Variants in EGFR observed in about 807,000 individuals in gnomAD.
EGFR encodes epidermal growth factor receptor, also known as avian erythroblastic leukemia viral (v-erb-b) oncogene homolog.
A neutral mutation model predicts 143.0 loss-of-function variants in EGFR; 58 were observed. That is an observed-to-expected ratio of 0.41 (90% CI 0.33 to 0.50). The LOEUF (loss-of-function observed/expected upper bound fraction) is 0.50. Ranked by LOEUF, EGFR falls within the 20% of genes least tolerant of loss-of-function variation. The pLI is 0.39. For synonymous variants in EGFR, 613 were observed against 594.4 expected (o/e 1.03, Z -0.45); for missense variants, 1,307 against 1,579.0 (o/e 0.83, Z 2.92).
chr7:55,064,278 G>C (rs1789370889), intron 1 of EGFR, among the ~76,000 whole-genome samples: 1 of 152,236 alleles, frequency 6.6e-6, no homozygotes, highest in South Asian at 2.1e-4. Context: ...ATTGTGTCGT[G>C]TTCTTCCCCA....
intron 1 of EGFR, among the ~76,000 whole-genome samples, chr7:55,136,285 C>G (rs17336282): frequency 1.3e-5 from 2 of 152,026 alleles, no homozygotes; most frequent in African/African-American, 2.4e-5. Context: ...AAAAAATCCT[C>G]CTCTGGCCTT....
chr7:55,068,360 C>T (rs1450050423), intron 1 of EGFR, among the ~76,000 whole-genome samples: 1 of 152,088 alleles, frequency 6.6e-6, no homozygotes, highest in Non-Finnish European at 1.5e-5. Flanking sequence ...CAGTGGCAGC[C>T]CCACACTCCT....
Position 55,211,358 on chromosome 7 carries a change from C to T in EGFR, c.*5741C>T, listed in dbSNP as rs1000846371. 2 of 152,144 alleles carry T rather than the reference C, an allele frequency of 1.3e-5. No individual in the cohort carries two copies. Among genetic ancestry groups the T allele is most frequent in the East Asian group, 1.9e-4 (1 of 5,206 alleles). 9.4% of individuals were successfully genotyped at this position (152,144 alleles called of 1,614,324 possible). On this transcript the variant is annotated 3_prime_UTR_variant, in exon 28 of 28. Coordinates refer to ENST00000275493, the MANE Select transcript of EGFR (RefSeq NM_005228.5). ...CTGGTATTAGAGGTGACAATGTAACCGATTAACAACAGACAGCAATAACTT... is the reference window on the plus strand; with the variant it reads ...CTGGTATTAGAGGTGACAATGTAACTGATTAACAACAGACAGCAATAACTT...
intron 19 of EGFR, among the ~76,000 whole-genome samples, chr7:55,176,836 A>G (rs955607517): frequency 1.0e-4 from 15 of 147,088 alleles, no homozygotes; most frequent in Admixed American, 5.5e-4. Flanking sequence ...TTAGAGAGAT[A>G]TATATTTAGA....
rs531361756 is a variant in EGFR at position 55,173,010 on chromosome 7, G to C, written c.1947G>C (p.Gly649=). 1 of 1,614,166 alleles carries C rather than the reference G, an allele frequency of 6.2e-7. No individual in the cohort carries two copies. The highest frequency in any genetic ancestry group is 1.3e-5 in the African/African-American group (1 of 75,042). ...NGPKIPSIAT[G]MVGALLLLLV... ...CTAAGATCCCGTCCATCGCCACTGG[G>C]ATGGTGGGGGCCCTCCTCTTGCTGC... is the stretch of plus-strand genomic sequence containing the variant. Residue 649 remains glycine (G), a synonymous_variant, in exon 17 of 28, where the codon GGG becomes GGC. Transcript: ENST00000275493.
intron 1 of EGFR, among the ~76,000 whole-genome samples, chr7:55,038,892 C>T (rs1470744739): frequency 6.6e-6 from 1 of 151,764 alleles, no homozygotes; most frequent in African/African-American, 2.4e-5. Flanking sequence ...CCGGCAGGTG[C>T]TCTGGTTCTG....
intron 15 of EGFR, chr7:55,166,249 C>G (rs1323639952): frequency 1.8e-6 from 1 of 556,722 alleles, no homozygotes; most frequent in Non-Finnish European, 3.5e-6. Context: ...AGCTGTCAAT[C>G]AAACTGGATC....
chr7:55,167,806 G>T (rs1430922861), intron 15 of EGFR, among the ~76,000 whole-genome samples: 1 of 152,152 alleles, frequency 6.6e-6, no homozygotes, highest in Non-Finnish European at 1.5e-5. Flanking sequence ...CTCCAACAGT[G>T]ATATCTTAAT....
At position 55,156,826 on chromosome 7, in the gene EGFR, A is replaced by G. The variant is rs2128938781; in HGVS notation, c.1201A>G (p.Ile401Val). ...ELDILKTVKE[I>V]TGFLLIQAWP... ...GGATATTCTGAAAACCGTAAAGGAA[A>G]TCACAGGTTTGAGCTGAATTATCAC... is the stretch of plus-strand genomic sequence containing the variant. Residue 401 changes from isoleucine (I) to valine (V), a missense_variant, in exon 10 of 28, where the codon ATC becomes GTC. Physicochemically the swap from Ile to Val is conservative, Grantham distance 29 (BLOSUM62 3). Coordinates refer to ENST00000275493, the MANE Select transcript of EGFR (RefSeq NM_005228.5). The G allele has an allele frequency of 6.2e-7, 1 of 1,614,272 alleles. No individual in the cohort carries two copies. The highest frequency in any genetic ancestry group is 8.5e-7 in the Non-Finnish European group (1 of 1,180,050).
At chr7:55,032,182 T>C (rs1787291561) in intron 1 of EGFR, among the ~76,000 whole-genome samples, 1 of 152,220 alleles carries the variant, frequency 6.6e-6, no homozygotes, top group African/African-American at 2.4e-5. Context: ...AAAGGCCCAG[T>C]TAAGTTTAAG....
Position 55,153,865 on chromosome 7 carries a change from G to T in EGFR, c.748-146G>T. On this transcript the variant is annotated intron_variant, in intron 6 of 27. Coordinates refer to ENST00000275493, the MANE Select transcript of EGFR (RefSeq NM_005228.5). ...TCTGACTCTGCAGAGGGCGCCAGCTGGGTTTTCCCACACTAGTGGAACACT... is the reference window on the plus strand; with the variant it reads ...TCTGACTCTGCAGAGGGCGCCAGCTTGGTTTTCCCACACTAGTGGAACACT... 3 of 1,264,694 alleles carry T rather than the reference G, an allele frequency of 2.4e-6. No individual in the cohort carries two copies. In the South Asian group the frequency reaches 3.9e-5, roughly 16 times the overall value. The allele number at this position is 1,264,694 out of a possible 1,614,324, so 78.3% of individuals were successfully genotyped here. A position where few individuals can be genotyped will look rare whatever the true frequency, so the allele number is the denominator to read the frequency against.
intron 1 of EGFR, among the ~76,000 whole-genome samples, chr7:55,059,666 C>A (rs1170283277): frequency 6.6e-6 from 1 of 152,098 alleles, no homozygotes; most frequent in African/African-American, 2.4e-5. Context: ...AACCATTTAA[C>A]TTTTGACTGA....
intron 4 of EGFR, among the ~76,000 whole-genome samples, chr7:55,150,963 G>C (rs1785120492): frequency 1.3e-5 from 2 of 152,224 alleles, no homozygotes; most frequent in African/African-American, 4.8e-5. Flanking sequence ...TCTAGCTGTG[G>C]CAGGAGATGC....
At chr7:55,138,310 A>C (rs1794269169) in intron 1 of EGFR, among the ~76,000 whole-genome samples, 1 of 152,206 alleles carries the variant, frequency 6.6e-6, no homozygotes, top group Admixed American at 6.5e-5. Context: ...GGTAAGGCAA[A>C]CCACTAGCAT....
At chr7:55,108,479 A>G (rs1178607952) in intron 1 of EGFR, among the ~76,000 whole-genome samples, 3 of 152,222 alleles carry the variant, frequency 2.0e-5, no homozygotes, top group African/African-American at 7.2e-5. Context: ...TGTCTGTGGA[A>G]TAATTTTGGG....
intron 1 of EGFR, among the ~76,000 whole-genome samples, chr7:55,140,380 A>G (rs916201804): frequency 1.6e-4 from 24 of 152,120 alleles, no homozygotes; most frequent in Non-Finnish European, 2.5e-4. Context: ...GAGGGGCCCA[A>G]CTAACACTTG....
intron 22 of EGFR, among the ~76,000 whole-genome samples, chr7:55,198,170 A>G (rs945541318): frequency 6.6e-6 from 1 of 152,114 alleles, no homozygotes; most frequent in Non-Finnish European, 1.5e-5. Flanking sequence ...TACTGATTCA[A>G]TTTTGGAGCT....
chr7:55,062,079 C>A (rs1481174344), intron 1 of EGFR, among the ~76,000 whole-genome samples: 1 of 152,096 alleles, frequency 6.6e-6, no homozygotes, highest in Non-Finnish European at 1.5e-5. Flanking sequence ...GAGAGGAACT[C>A]GATCCCCAGG....
At chr7:55,157,598 AATGTCT>A in intron 10 of EGFR, 59 bp from the exon 11 acceptor site, 12 of 1,307,782 alleles carry the variant, frequency 9.2e-6, no homozygotes, top group Non-Finnish European at 1.3e-5. Flanking sequence ...AGTCTAGAGT[AATGTCT>A]CATACAAAAA....
Sources: allele counts gnomAD v4.1 joint callset (sites outside exome capture counted in the v4.1 genomes callset), GRCh38; gene constraint gnomAD v4.1.1; transcripts MANE v1.5; gene names NCBI Gene and HGNC (gene_info 2026-07-23, HGNC 2026-07-21).